PSG8: variants seen among roughly 807,000 people sequenced by gnomAD.
PSG8 encodes the protein pregnancy-specific beta-1-glycoprotein 8.
A neutral mutation model predicts 42.5 loss-of-function variants in PSG8; 57 were observed. The ratio of observed to expected loss-of-function variants is 1.34; its 90% CI spans 1.08 to 1.67. The LOEUF (loss-of-function observed/expected upper bound fraction) is 1.67, where lower values mean the gene tolerates loss of function less well. PSG8 is among the 40% of genes most tolerant of loss of function. The pLI is 0.00. For synonymous variants in PSG8, 280 were observed against 196.8 expected (o/e 1.42, Z -3.54); for missense variants, 783 against 518.6 (o/e 1.51, Z -4.95).
intron 2 of PSG8, 145 bp from the exon 3 acceptor site, chr19:42,758,425 A>G: frequency 2.0e-6 from 3 of 1,490,716 alleles, no homozygotes; most frequent in African/African-American, 1.4e-5. Flanking sequence ...TGCAAGACAG[A>G]TGCAGGGCAA....
At chr19:42,753,997 G>C, downstream of PSG8, 1 of 734,380 alleles carries the variant, frequency 1.4e-6, no homozygotes, top group Non-Finnish European at 2.2e-6. Flanking sequence ...GGTTAAAAGA[G>C]AAAAATTCCG....
intron 3 of PSG8, among the ~76,000 whole-genome samples, chr19:42,756,410 C>T (rs1215922509): frequency 6.6e-6 from 1 of 152,134 alleles, no homozygotes; most frequent in Admixed American, 6.6e-5. Flanking sequence ...CTATAGTTCA[C>T]ACAAATTGAG....
chr19:42,761,678 G>C (rs557403438), intron 2 of PSG8, among the ~76,000 whole-genome samples: 15 of 152,104 alleles, frequency 9.9e-5, no homozygotes, highest in African/African-American at 3.1e-4. Flanking sequence ...TTTTAGTCCT[G>C]TGCTCCTGAA....
Position 42,765,662 on chromosome 19 carries a change from C to G in PSG8, c.-81G>C. 6.4e-7 allele frequency: 1 copy of G among 1,554,284 alleles called. No homozygotes were observed. Among genetic ancestry groups the G allele is most frequent in the Non-Finnish European group, 8.8e-7 (1 of 1,141,690 alleles). On this transcript the variant is annotated 5_prime_UTR_variant, in exon 1 of 5. Transcript: ENST00000306511. ...TTCCTGAGCACAGCTCTCAGCAGTG[C>G]TGTCCTGCCTCCTTCTGCGCTGAGC...
chr19:42,763,319 T>G (rs1347515298), intron 2 of PSG8, among the ~76,000 whole-genome samples: 1 of 152,114 alleles, frequency 6.6e-6, no homozygotes, highest in Non-Finnish European at 1.5e-5. Context: ...TCCTCTCCAC[T>G]CTGAGTGTCA....
chr19:42,755,339 G>T, intron 3 of PSG8, 73 bp from the exon 4 acceptor site: 1 of 1,578,084 alleles, frequency 6.3e-7, no homozygotes, highest in South Asian at 1.2e-5. Flanking sequence ...TTCAATCAGA[G>T]TTGGCATCTC....
At chr19:42,764,941 A>AT (rs746240084) in intron 1 of PSG8, among the ~76,000 whole-genome samples, 1 of 151,756 alleles carries the variant, frequency 6.6e-6, no homozygotes, top group African/African-American at 2.4e-5. Context: ...CCCTGTGTAT[A>AT]TTTTTATGTG....
chr19:42,761,037 G>A (rs184173781), intron 2 of PSG8, among the ~76,000 whole-genome samples: 1 of 151,588 alleles, frequency 6.6e-6, no homozygotes, highest in African/African-American at 2.4e-5. Flanking sequence ...GCAGGTTGAG[G>A]ATGGAGTCAT....
intron 2 of PSG8, chr19:42,758,556 G>A (rs750822761): frequency 5.1e-5 from 33 of 649,226 alleles, no homozygotes; most frequent in Non-Finnish European, 7.6e-5. Context: ...CACAGCCCCT[G>A]TTGCCTCTCT....
chr19:42,753,838 G>C, downstream of PSG8: 4 of 445,882 alleles, frequency 9.0e-6, no homozygotes, highest in South Asian at 7.1e-5. Context: ...TGCTGTACTT[G>C]TGCAAATATG....
intron 1 of PSG8, 65 bp from the exon 2 acceptor site, chr19:42,764,346 C>T: frequency 6.4e-7 from 1 of 1,557,302 alleles, no homozygotes. Flanking sequence ...ACATGGGGCC[C>T]TGGGTCCTGA....
chr19:42,754,431 G>C lies in PSG8; in HGVS notation c.1145C>G (p.Pro382Arg), dbSNP rs778188699. Reference protein sequence around the residue: ...FQLSGQKLFIPQITTKHSGLY... With the variant: ...FQLSGQKLFIRQITTKHSGLY... ...CCCGCTATGCTTTGTAGTAATTTGG[G>C]GGATAAAGAGCTTTTGTCCTGATAG... The change falls in exon 5 of 5, where the codon CCC becomes CGC. Residue 382 changes from proline to arginine, a missense_variant. Transcript: ENST00000306511. 3.5e-5 allele frequency: 56 copies of C among 1,613,722 alleles called. No individual in the cohort carries two copies. Among genetic ancestry groups the C allele is most frequent in the Non-Finnish European group, 4.2e-5 (50 of 1,179,838 alleles).
At chr19:42,756,219 T>A (rs1326860491) in intron 3 of PSG8, 1 of 152,200 alleles carries the variant, frequency 6.6e-6, no homozygotes, top group Non-Finnish European at 1.5e-5. Flanking sequence ...CATTCTACTC[T>A]CTGATTCCCT....
At chr19:42,756,818 C>T (rs1969938897) in intron 3 of PSG8, among the ~76,000 whole-genome samples, 1 of 151,798 alleles carries the variant, frequency 6.6e-6, no homozygotes, top group African/African-American at 2.4e-5. Context: ...TTGTGGCAGT[C>T]ATTAATAAGA....
chr19:42,765,063 CTGT>C (rs1970181389), intron 1 of PSG8, among the ~76,000 whole-genome samples: 1 of 151,780 alleles, frequency 6.6e-6, no homozygotes, highest in Non-Finnish European at 1.5e-5. Flanking sequence ...ATTCTGGTTC[CTGT>C]GACTTTCCTG....
intron 2 of PSG8, among the ~76,000 whole-genome samples, chr19:42,761,951 G>T (rs1380584262): frequency 1.4e-5 from 2 of 145,382 alleles, no homozygotes; most frequent in Non-Finnish European, 3.0e-5. Context: ...CCTCACAAAG[G>T]GAAAGAGCCC....
Position 42,764,258 on chromosome 19 carries a change from G to C in PSG8, c.88C>G (p.Pro30Ala). ...LTASLLNFWN[P>A]PTTAQVTIEA... ...ATCGTGACTTGGGCAGTCGTGGGTG[G>C]GTTCCAGAAGTTTAAAAGTGATGCT... The change falls in exon 2 of 5, where the codon CCA becomes GCA. Residue 30 changes from proline to alanine, a missense_variant. Coordinates refer to ENST00000306511, the MANE Select transcript of PSG8 (RefSeq NM_182707.3). The C allele has an allele frequency of 6.2e-7, 1 of 1,613,434 alleles. No individual in the cohort carries two copies. The highest frequency in any genetic ancestry group is 1.7e-4 in the Middle Eastern group (1 of 6,042).
chr19:42,762,284 C>T (rs1017194025), intron 2 of PSG8, among the ~76,000 whole-genome samples: 4 of 151,922 alleles, frequency 2.6e-5, no homozygotes, highest in Non-Finnish European at 5.9e-5. Context: ...GAGACACTGA[C>T]TTCAAAAACC....
chr19:42,753,749 A>G (rs955072341), downstream of PSG8, among the ~76,000 whole-genome samples: 2 of 152,172 alleles, frequency 1.3e-5, no homozygotes, highest in South Asian at 2.1e-4. Flanking sequence ...CTATATCCTT[A>G]AATATAACAT....
Sources: allele counts gnomAD v4.1 joint callset (sites outside exome capture counted in the v4.1 genomes callset), GRCh38; gene constraint gnomAD v4.1.1; transcripts MANE v1.5; gene names NCBI Gene and HGNC (gene_info 2026-07-23, HGNC 2026-07-21).